The following CDK19 variants were observed in gnomAD, a reference collection of about 807,000 sequenced individuals.
CDK19 encodes the protein cyclin dependent kinase 19, also known as cyclin-dependent kinase 19.
Under a neutral mutation model 68.3 loss-of-function variants are expected in CDK19, and 20 were observed. That is an observed-to-expected ratio of 0.29 (90% CI 0.21 to 0.43). The LOEUF is 0.43. Ranked by LOEUF, CDK19 falls within the 20% of genes least tolerant of loss-of-function variation. The pLI, the probability that CDK19 is intolerant of heterozygous loss-of-function variation, is 1.00. For missense variants in CDK19, 339 were observed against 623.5 expected, an observed-to-expected ratio of 0.54 and a Z score of 4.86; for synonymous variants, 221 against 222.8, an observed-to-expected ratio of 0.99 and a Z score of 0.07.
chr6:110,768,830 C>T (rs1441230182), intron 1 of CDK19, among the ~76,000 whole-genome samples: 1 of 152,060 alleles, frequency 6.6e-6, no homozygotes, highest in Admixed American at 6.6e-5. Flanking sequence ...TATCAAAACC[C>T]ATAGAATATA....
At chr6:110,691,129 TA>T (rs1466745831) in intron 2 of CDK19, among the ~76,000 whole-genome samples, 1 of 152,038 alleles carries the variant, frequency 6.6e-6, no homozygotes, top group Non-Finnish European at 1.5e-5. Context: ...AGAAATTTTT[TA>T]AAAAAAATCC....
At position 110,621,373 on chromosome 6, in the gene CDK19, T is replaced by G; in HGVS notation, c.1111-3A>C. 2 of 1,531,098 alleles carry G rather than the reference T, an allele frequency of 1.3e-6. No individual in the cohort carries two copies. The highest frequency in any genetic ancestry group is 1.8e-6 in the Non-Finnish European group (2 of 1,141,846). The allele number at this position is 1,531,098 out of a possible 1,614,324, so 94.8% of individuals were successfully genotyped here. ...TGGTTCTGCTGCTGTTGCTGATTCT[T>G]TTAAGGGGAAAAAAGCAAGCTTGGT... is the stretch of plus-strand genomic sequence containing the variant. On this transcript the variant is annotated splice_region_variant and splice_polypyrimidine_tract_variant and intron_variant, in intron 11 of 12. Transcript: ENST00000368911. This position sits in a 1 kb window ranked among gnomAD's most constrained non-coding sequence, Gnocchi z 5.4.
chr6:110,687,172 G>A (rs571142781), intron 2 of CDK19, among the ~76,000 whole-genome samples: 2 of 152,302 alleles, frequency 1.3e-5, no homozygotes, highest in African/African-American at 4.8e-5. Context: ...GATCTGAAGG[G>A]AGAGGAGGAG....
intron 2 of CDK19, chr6:110,700,747 T>C: frequency 5.2e-6 from 1 of 193,982 alleles, no homozygotes. Context: ...AAAAACTCCT[T>C]GTGGTGAAAG....
intron 2 of CDK19, among the ~76,000 whole-genome samples, chr6:110,735,501 T>C (rs1777182849): frequency 2.0e-5 from 3 of 152,188 alleles, no homozygotes; most frequent in Admixed American, 1.3e-4. Flanking sequence ...CTGAGCTAAA[T>C]TTCATGAAGT....
chr6:110,667,375 T>C (rs1782008865), intron 4 of CDK19, 59 bp downstream of exon 4: 7 of 1,134,976 alleles, frequency 6.2e-6, no homozygotes, highest in Non-Finnish European at 8.8e-6. Context: ...AAGAAGAAAA[T>C]ATATTTTTTA....
At chr6:110,658,856 G>A (rs1433434800) in intron 4 of CDK19, among the ~76,000 whole-genome samples, 1 of 152,156 alleles carries the variant, frequency 6.6e-6, no homozygotes, top group East Asian at 1.9e-4. Context: ...TTACTGGCAG[G>A]ATCAAGAAAG....
chr6:110,619,774 A>G (rs1006950348), intron 12 of CDK19, among the ~76,000 whole-genome samples: 1 of 152,046 alleles, frequency 6.6e-6, no homozygotes, highest in Non-Finnish European at 1.5e-5. Flanking sequence ...CTTGTCATGT[A>G]GGAGTCTGAA....
chr6:110,799,617 A>G (rs746665414), intron 1 of CDK19, among the ~76,000 whole-genome samples: 3 of 150,218 alleles, frequency 2.0e-5, no homozygotes, highest in Non-Finnish European at 4.4e-5. Context: ...TTTTTTTTGG[A>G]GACAGGGTCT....
At chr6:110,649,528 A>G (rs1159482252) in intron 4 of CDK19, among the ~76,000 whole-genome samples, 2 of 152,224 alleles carry the variant, frequency 1.3e-5, no homozygotes, top group East Asian at 1.9e-4. Context: ...CTGTATTAAA[A>G]TAACTTCCAA....
intron 1 of CDK19, among the ~76,000 whole-genome samples, chr6:110,777,449 CA>C (rs2115017728): frequency 6.6e-6 from 1 of 151,694 alleles, no homozygotes; most frequent in South Asian, 2.1e-4. Context: ...TGGTTACTAT[CA>C]AAAAACTAAA....
At chr6:110,807,770 A>AT (rs1254606794) in intron 1 of CDK19, among the ~76,000 whole-genome samples, 8 of 151,316 alleles carry the variant, frequency 5.3e-5, no homozygotes, top group Non-Finnish European at 1.2e-4. Flanking sequence ...CACATTGTAT[A>AT]TTTTTACGCA....
chr6:110,617,547 G>A (rs1009475606), intron 12 of CDK19, among the ~76,000 whole-genome samples: 4 of 151,924 alleles, frequency 2.6e-5, no homozygotes, highest in Admixed American at 2.0e-4. Context: ...ACTTTAGGAG[G>A]CCAAGGAAGG....
intron 2 of CDK19, among the ~76,000 whole-genome samples, chr6:110,695,505 C>G (rs1419063773): frequency 6.6e-6 from 1 of 151,916 alleles, no homozygotes; most frequent in Non-Finnish European, 1.5e-5. Context: ...AAGATTAGAA[C>G]AGAACTAAAT....
intron 1 of CDK19, among the ~76,000 whole-genome samples, chr6:110,804,897 A>G (rs533516638): frequency 2.0e-5 from 3 of 151,654 alleles, no homozygotes; most frequent in Non-Finnish European, 4.4e-5. Flanking sequence ...CGGAGCTTGC[A>G]GTGAGCCGAG....
At position 110,622,920 on chromosome 6, in the gene CDK19, G is replaced by C. The variant is rs111418799; in HGVS notation, c.934-8C>G. The C allele has an allele frequency of 1.2e-5, 18 of 1,549,600 alleles. No homozygotes were observed. The African/African-American group carries it at 1.2e-4, about 11-fold the overall frequency. On this transcript the variant is annotated splice_region_variant and splice_polypyrimidine_tract_variant and intron_variant, in intron 9 of 12. Coordinates refer to ENST00000368911, the MANE Select transcript of CDK19 (RefSeq NM_015076.5). The stretch of plus-strand genomic sequence containing the variant: ...GGTCAGGAGTTTCTGAAGCTAGAGT[G>C]ACACACAGGAAATGTACAGCACATG...
At chr6:110,762,223 T>C (rs1779277267) in intron 1 of CDK19, among the ~76,000 whole-genome samples, 1 of 152,220 alleles carries the variant, frequency 6.6e-6, no homozygotes, top group Non-Finnish European at 1.5e-5. Flanking sequence ...ATTTGTATAC[T>C]GTCAATCACA....
intron 4 of CDK19, among the ~76,000 whole-genome samples, chr6:110,640,693 G>A (rs1166503942): frequency 2.0e-5 from 3 of 152,174 alleles, no homozygotes; most frequent in African/African-American, 7.2e-5. Context: ...GCTCAAACCT[G>A]TAATCCCAGC....
At chr6:110,762,212 A>T (rs1427930381) in intron 1 of CDK19, among the ~76,000 whole-genome samples, 2 of 152,202 alleles carry the variant, frequency 1.3e-5, no homozygotes, top group African/African-American at 4.8e-5. Flanking sequence ...CCACAGTAGA[A>T]ATTTGTATAC....
Sources: gnomAD v4.1 joint callset for allele counts (sites outside exome capture counted in the v4.1 genomes callset) on GRCh38, gnomAD v4.1.1 for gene constraint, Gnocchi (gnomAD v3.1) non-coding constraint, MANE v1.5 for transcripts, NCBI Gene and HGNC (gene_info 2026-07-23, HGNC 2026-07-21) for gene names.